The following PTBP3 variants were observed in gnomAD, a reference collection of about 807,000 sequenced individuals.
The protein encoded by PTBP3 is polypyrimidine tract-binding protein 3.
In PTBP3, 20 loss-of-function variants were observed where a neutral mutation model predicts 58.7. That is an observed-to-expected ratio of 0.34 (90% CI 0.24 to 0.50). The LOEUF (loss-of-function observed/expected upper bound fraction) is 0.50. Ranked by LOEUF, PTBP3 falls within the 20% of genes least tolerant of loss-of-function variation. The pLI, the probability that PTBP3 is intolerant of heterozygous loss-of-function variation, is 0.98. For synonymous variants in PTBP3, 185 were observed against 219.8 expected (o/e 0.84, Z 1.40); for missense variants, 509 against 637.2 (o/e 0.80, Z 2.17).
At chr9:112,352,809 GA>G in the PTBP3 span, among the ~76,000 whole-genome samples, 1 of 152,094 alleles carries the variant, frequency 6.6e-6, no homozygotes, top group Non-Finnish European at 1.5e-5. Context: ...GACTATAGTT[GA>G]AATTTCTTTT....
At chr9:112,256,282 T>C (rs12344261) in intron 5 of PTBP3, among the ~76,000 whole-genome samples, 12,677 of 51,298 alleles carry the variant, frequency 0.25, 769 homozygotes, top group East Asian at 0.3. Context: ...AATATATATA[T>C]ATATATATAT....
At chr9:112,246,741 C>T (rs188668581) in intron 7 of PTBP3, among the ~76,000 whole-genome samples, 127 of 150,210 alleles carry the variant, frequency 8.5e-4, no homozygotes, top group African/African-American at 2.8e-3. Flanking sequence ...GTGGTAAGAA[C>T]AGGGTATTTA....
chr9:112,228,517 T>C (rs753591492), intron 10 of PTBP3, 45 bp from the exon 11 acceptor site: 1 of 1,322,338 alleles, frequency 7.6e-7, no homozygotes, highest in South Asian at 1.4e-5. Flanking sequence ...TCTGATTGTG[T>C]TGTGTTTAAT....
intron 3 of PTBP3, among the ~76,000 whole-genome samples, chr9:112,274,445 G>C (rs1304959394): frequency 1.3e-5 from 2 of 152,124 alleles, no homozygotes; most frequent in Non-Finnish European, 2.9e-5. Context: ...CAGTATAAAA[G>C]ATTTTTAGGA....
rs958650520 is a variant in PTBP3 at position 112,220,527 on chromosome 9, T to G, written c.*3324A>C. 1 of 1,023,658 alleles carries G rather than the reference T, an allele frequency of 9.8e-7. No individual in the cohort carries two copies. 63.4% of individuals were successfully genotyped at this position (1,023,658 alleles called of 1,614,324 possible). A position where few individuals can be genotyped will look rare whatever the true frequency, so the allele number is the denominator to read the frequency against. The stretch of plus-strand genomic sequence containing the variant: ...AGGGAACAGGCAGGCATAAATGATA[T>G]CTCCAAAAACTGAGCTCAGCAACTT... On this transcript the variant is annotated 3_prime_UTR_variant, in exon 14 of 14. Transcript: ENST00000374257.
intron 3 of PTBP3, among the ~76,000 whole-genome samples, chr9:112,274,520 C>T (rs1033539385): frequency 1.3e-5 from 2 of 152,106 alleles, no homozygotes; most frequent in African/African-American, 4.8e-5. Context: ...AACAAGAGGA[C>T]ATACAATTAT....
chr9:112,249,767 T>A (rs1836029004), intron 7 of PTBP3, among the ~76,000 whole-genome samples: 1 of 152,008 alleles, frequency 6.6e-6, no homozygotes, highest in Non-Finnish European at 1.5e-5. Flanking sequence ...ATTATTAGAA[T>A]AAGTGAATTC....
chr9:112,345,021 T>G, the PTBP3 span, among the ~76,000 whole-genome samples: 1 of 152,028 alleles, frequency 6.6e-6, no homozygotes. Context: ...TAGTCCCAGC[T>G]ACTCGGGAGG....
At chr9:112,368,955 A>G in the PTBP3 span, among the ~76,000 whole-genome samples, 1 of 152,248 alleles carries the variant, frequency 6.6e-6, no homozygotes, top group East Asian at 1.9e-4. Flanking sequence ...GCCAATGTAC[A>G]GCTCAGGCCA....
In PTBP3 at chr9:112,251,078, T is replaced by C. The variant is rs1836095935; in HGVS notation, c.653A>G (p.Asn218Ser). Residue 218 changes from asparagine to serine, a missense_variant, in exon 7 of 14, where the codon AAT becomes AGT. By Grantham distance (46) the Asn-to-Ser change is conservative. Coordinates refer to ENST00000374257, the MANE Select transcript of PTBP3 (RefSeq NM_001163788.4). ...GTCAATGCGCAGAGTGCAGCATGCA[T>C]TATAGATATTCTGGCCATCCAGAGC... ...KMALDGQNIYNACCTLRIDFS... is the reference protein window; with the variant it reads ...KMALDGQNIYSACCTLRIDFS... 1 of 1,600,232 alleles carries C rather than the reference T, an allele frequency of 6.2e-7. No homozygotes were observed. The highest frequency in any genetic ancestry group is 8.5e-7 in the Non-Finnish European group (1 of 1,173,254).
chr9:112,218,073 A>G (rs191016601), downstream of PTBP3: 127 of 152,332 alleles, frequency 8.3e-4, no homozygotes, highest in African/African-American at 2.8e-3. Flanking sequence ...TAGTGTTCCA[A>G]CTGTAGTTTG....
chr9:112,325,124 T>G (rs1178694663), intron 1 of PTBP3, among the ~76,000 whole-genome samples: 1 of 152,154 alleles, frequency 6.6e-6, no homozygotes, highest in Non-Finnish European at 1.5e-5. Context: ...TTTTAAATAC[T>G]GTTATATATT....
rs1260878283 is a variant in PTBP3 at position 112,220,671 on chromosome 9, T to G, written c.*3180A>C. 7 of 986,282 alleles carry G rather than the reference T, an allele frequency of 7.1e-6. No individual in the cohort carries two copies. In the East Asian group the frequency reaches 7.9e-4, roughly 111 times the overall value. The allele number at this position is 986,282 out of a possible 1,614,324, so 61.1% of individuals were successfully genotyped here. A position where few individuals can be genotyped will look rare whatever the true frequency, so the allele number is the denominator to read the frequency against. On this transcript the variant is annotated 3_prime_UTR_variant, in exon 14 of 14. Coordinates refer to ENST00000374257, the MANE Select transcript of PTBP3 (RefSeq NM_001163788.4). ...CTGATACTCTCCAGTAAGTATCAAT[T>G]AAGATACTGGGTCATTTTTCTATTT...
intron 4 of PTBP3, among the ~76,000 whole-genome samples, chr9:112,264,851 C>T (rs1433491174): frequency 1.3e-5 from 2 of 152,106 alleles, no homozygotes; most frequent in Admixed American, 6.5e-5. Flanking sequence ...ATAATCTAAT[C>T]TTTTAAGATT....
intron 1 of PTBP3, among the ~76,000 whole-genome samples, chr9:112,331,916 AG>A (rs1238846830): frequency 2.6e-5 from 4 of 152,230 alleles, no homozygotes; most frequent in Admixed American, 1.3e-4. Context: ...ACAAAAAAAT[AG>A]CCTGCTTCCA....
chr9:112,347,229 A>G, the PTBP3 span, among the ~76,000 whole-genome samples: 1 of 152,238 alleles, frequency 6.6e-6, no homozygotes, highest in Non-Finnish European at 1.5e-5. Context: ...AAATTGTGGC[A>G]TATTCACACA....
In PTBP3 at chr9:112,297,858, C is replaced by G; in HGVS notation, c.8G>C (p.Ser3Thr). The G allele has an allele frequency of 6.2e-7, 1 of 1,604,084 alleles. No homozygotes were observed. The highest frequency in any genetic ancestry group is 8.5e-7 in the Non-Finnish European group (1 of 1,175,542). MNSSTPSTGVYAN... is the reference protein window; with the variant it reads MNTSTPSTGVYAN... ...ATACACACCTGTAGAAGGAGTAGAACTATTCATGGTAAAAGGTCCGTTAAT... is the reference window on the plus strand; with the variant it reads ...ATACACACCTGTAGAAGGAGTAGAAGTATTCATGGTAAAAGGTCCGTTAAT... The change falls in exon 2 of 14, where the codon AGT (serine) becomes ACT (threonine). Residue 3 changes from serine (S) to threonine (T), a missense_variant. Ser to Thr is a moderately conservative substitution (Grantham distance 58, BLOSUM62 1). Coordinates refer to ENST00000374257, the MANE Select transcript of PTBP3 (RefSeq NM_001163788.4).
the PTBP3 span, among the ~76,000 whole-genome samples, chr9:112,362,442 C>A: frequency 1.3e-5 from 2 of 152,100 alleles, no homozygotes; most frequent in Non-Finnish European, 2.9e-5. Flanking sequence ...AGTATTTTTT[C>A]TCATTCTCTA....
In PTBP3 at chr9:112,223,625, G is replaced by C; in HGVS notation, c.*226C>G. ...TTTCCTGATTTTCTTTTTCCTGAAG[G>C]TTATTTTTGTAGAAACCATGGTAAA... On this transcript the variant is annotated 3_prime_UTR_variant, in exon 14 of 14. Coordinates refer to ENST00000374257, the MANE Select transcript of PTBP3 (RefSeq NM_001163788.4). The C allele has an allele frequency of 8.0e-7, 1 of 1,242,876 alleles. No homozygotes were observed. Among genetic ancestry groups the C allele is most frequent in the African/African-American group, 1.6e-5 (1 of 64,066 alleles). 77.0% of individuals were successfully genotyped at this position (1,242,876 alleles called of 1,614,324 possible). A position where few individuals can be genotyped will look rare whatever the true frequency, so the allele number is the denominator to read the frequency against.
Sources: gnomAD v4.1 joint callset for allele counts (sites outside exome capture counted in the v4.1 genomes callset) on GRCh38, gnomAD v4.1.1 for gene constraint, MANE v1.5 for transcripts, NCBI Gene and HGNC (gene_info 2026-07-23, HGNC 2026-07-21) for gene names.